KIRREL3: variants seen among roughly 807,000 people sequenced by gnomAD.
KIRREL3 encodes kin of IRRE-like protein 3.
KIRREL3 carries 36 observed loss-of-function variants against 89.7 expected under a neutral mutation model. The observed-to-expected ratio is 0.40, with a 90% CI of 0.31 to 0.53. The LOEUF (loss-of-function observed/expected upper bound fraction) is 0.53. Among genes scored for constraint, KIRREL3 ranks in the 20% least tolerant of loss-of-function variants. The probability of loss-of-function intolerance (pLI) is 0.49; values close to 1 mark genes in which losing one functional copy is unlikely to be tolerated. For synonymous variants in KIRREL3, 445 were observed against 441.4 expected, an observed-to-expected ratio of 1.01 and a Z score of -0.10; for missense variants, 864 against 1,056.6, an observed-to-expected ratio of 0.82 and a Z score of 2.53.
rs182301495 is a variant in KIRREL3 at position 126,647,869 on chromosome 11, A to G, written c.56-84957T>C. On this transcript the variant is annotated intron_variant, in intron 1 of 16. Coordinates refer to ENST00000525144, the MANE Select transcript of KIRREL3 (RefSeq NM_032531.4). The surrounding 1 kb of genome is among the most constrained non-coding windows in gnomAD (Gnocchi z 4.9). ...AATGAAAGCCAACACCCTCTCCATG[A>G]CTCATGGTGCTCTCCGGGGTCTGGC... Among the ~76,000 whole-genome samples the G allele has an allele frequency of 1.6e-3, 238 of 152,020 alleles. No individual in the cohort carries two copies. Among genetic ancestry groups the G allele is most frequent in the African/African-American group, 5.4e-3 (222 of 41,474 alleles).
chr11:126,459,437 A>G lies in KIRREL3; in HGVS notation c.743-2983T>C, dbSNP rs1399879261. Among the ~76,000 whole-genome samples the G allele has an allele frequency of 1.3e-5, 2 of 152,034 alleles. No homozygotes were observed. The highest frequency in any genetic ancestry group is 2.4e-5 in the African/African-American group (1 of 41,378). On this transcript the variant is annotated intron_variant, in intron 6 of 16. Coordinates refer to ENST00000525144, the MANE Select transcript of KIRREL3 (RefSeq NM_032531.4). The surrounding 1 kb of genome is among the most constrained non-coding windows in gnomAD (Gnocchi z 4.8). ...CCCCGAAGCGATTCACAAGGGTTCC[A>G]CACTCACTGGCCATATCTGCACCTC...
In KIRREL3 at chr11:126,740,734, G is replaced by A. The variant is rs1948953781; in HGVS notation, c.56-177822C>T. Among the ~76,000 whole-genome samples the A allele has an allele frequency of 6.6e-6, 1 of 152,132 alleles. No homozygotes were observed. Among genetic ancestry groups the A allele is most frequent in the Non-Finnish European group, 1.5e-5 (1 of 68,014 alleles). On this transcript the variant is annotated intron_variant, in intron 1 of 16. Coordinates refer to ENST00000525144, the MANE Select transcript of KIRREL3 (RefSeq NM_032531.4). The surrounding 1 kb of genome is among the most constrained non-coding windows in gnomAD (Gnocchi z 6.0). ...GGCTAGGGACAGGGAGCACAAAAATGGCCTGAAAGATAAATTTGTATTTTT... is the reference window on the plus strand; with the variant it reads ...GGCTAGGGACAGGGAGCACAAAAATAGCCTGAAAGATAAATTTGTATTTTT...
Position 126,450,537 on chromosome 11 carries a change from ATG to A in KIRREL3, c.849-1382_849-1381del, listed in dbSNP as rs1317627850. ...TGTGTGTGCATCTGCGTATGTGTGCATGTGTGTCAATGTGCATGTGTGCATGT... is the reference window on the plus strand; with the variant it reads ...TGTGTGTGCATCTGCGTATGTGTGCATGTGTCAATGTGCATGTGTGCATGT... On this transcript the variant is annotated intron_variant, in intron 7 of 16. Transcript: ENST00000525144. Among the ~76,000 whole-genome samples, 24 of 129,974 alleles carry A rather than the reference ATG, an allele frequency of 1.8e-4. 1 individual carries two copies. Among genetic ancestry groups the A allele is most frequent in the East Asian group, 7.4e-4 (3 of 4,036 alleles). The allele number at this position is 129,974 out of a possible 152,430, so 85.3% of individuals were successfully genotyped here.
chr11:126,726,344 G>A (rs1431342967), intron 1 of KIRREL3, among the ~76,000 whole-genome samples: 4 of 152,070 alleles, frequency 2.6e-5, no homozygotes, highest in African/African-American at 9.7e-5. Context: ...TTGGCTTTAT[G>A]AAAAAGTCTG....
At chr11:126,665,864 T>A (rs1300994130) in intron 1 of KIRREL3, among the ~76,000 whole-genome samples, 1 of 152,240 alleles carries the variant, frequency 6.6e-6, no homozygotes, top group South Asian at 2.1e-4. Context: ...TTAATCTCTA[T>A]GTGCATTCAT....
intron 1 of KIRREL3, among the ~76,000 whole-genome samples, chr11:126,648,678 G>A (rs1221181618): frequency 6.6e-6 from 1 of 152,152 alleles, no homozygotes; most frequent in Non-Finnish European, 1.5e-5. Context: ...TTTAAAATTT[G>A]TTGAACATAT....
In KIRREL3 at chr11:126,755,446, A is replaced by G. The variant is rs1949460415; in HGVS notation, c.56-192534T>C. On this transcript the variant is annotated intron_variant, in intron 1 of 16. Transcript: ENST00000525144. The surrounding 1 kb of genome is among the most constrained non-coding windows in gnomAD (Gnocchi z 4.3). ...AATTTTCAGCAGTCATGGGTGGAAAATCAATACTACTCTGATGCGAAATGA... is the reference window on the plus strand; with the variant it reads ...AATTTTCAGCAGTCATGGGTGGAAAGTCAATACTACTCTGATGCGAAATGA... Among the ~76,000 whole-genome samples the G allele has an allele frequency of 6.6e-6, 1 of 152,206 alleles. No individual in the cohort carries two copies. Among genetic ancestry groups the G allele is most frequent in the Admixed American group, 6.5e-5 (1 of 15,286 alleles).
Position 126,937,751 on chromosome 11 carries a change from C to T in KIRREL3, c.55+62704G>A, listed in dbSNP as rs190158858. Among the ~76,000 whole-genome samples, 452 of 151,740 alleles carry T rather than the reference C, an allele frequency of 3.0e-3. 1 individual carries two copies. The highest frequency in any genetic ancestry group is 0.01 in the African/African-American group (433 of 41,386). On this transcript the variant is annotated intron_variant, in intron 1 of 16. Transcript: ENST00000525144. ...CATCTCTACTAAAAATACAAAAAAT[C>T]AGCCGGGCGTGGTGGCAGGTGCCTG...
chr11:126,858,610 C>T (rs532086609), intron 1 of KIRREL3, among the ~76,000 whole-genome samples: 1 of 152,228 alleles, frequency 6.6e-6, no homozygotes, highest in East Asian at 1.9e-4. Context: ...CATATTTTGG[C>T]TTTGATCTCA....
chr11:126,546,164 A>G (rs667483), intron 2 of KIRREL3, among the ~76,000 whole-genome samples: 134,063 of 152,232 alleles, frequency 0.88, 59,364 homozygotes, highest in East Asian at 1. Flanking sequence ...TAAATGTTGA[A>G]TGTATCCATG....
At chr11:126,988,458 G>A (rs1949934378) in intron 1 of KIRREL3, 1 of 152,768 alleles carries the variant, frequency 6.5e-6, no homozygotes, top group Non-Finnish European at 1.5e-5. Flanking sequence ...ATGGTCACAC[G>A]GCTGTCGGGA....
At chr11:126,591,797 GCT>G (rs942347070) in intron 1 of KIRREL3, among the ~76,000 whole-genome samples, 1 of 152,178 alleles carries the variant, frequency 6.6e-6, no homozygotes, top group Admixed American at 6.5e-5. Flanking sequence ...GTATGACCAT[GCT>G]CTGTTTTACC....
intron 2 of KIRREL3, among the ~76,000 whole-genome samples, chr11:126,545,569 G>A (rs192006319): frequency 7.5e-4 from 112 of 150,096 alleles, no homozygotes; most frequent in African/African-American, 2.8e-3. Context: ...CCAGGAGTTC[G>A]AGACCAGCCT....
Position 126,620,898 on chromosome 11 carries a change from CA to C in KIRREL3, c.56-57987del, listed in dbSNP as rs1189964438. On this transcript the variant is annotated intron_variant, in intron 1 of 16. Coordinates refer to ENST00000525144, the MANE Select transcript of KIRREL3 (RefSeq NM_032531.4). The surrounding 1 kb of genome is among the most constrained non-coding windows in gnomAD (Gnocchi z 4.8). ...ACATACTGACAAATAGGCCTAAGAC[CA>C]GAGGCTTTTTGTTTTTTCTTCTCTT... Among the ~76,000 whole-genome samples, 1 of 152,156 alleles carries C rather than the reference CA, an allele frequency of 6.6e-6. No homozygotes were observed. Among genetic ancestry groups the C allele is most frequent in the Non-Finnish European group, 1.5e-5 (1 of 68,032 alleles).
Position 127,000,017 on chromosome 11 carries a change from G to GT in KIRREL3, c.55+437dup, listed in dbSNP as rs1358713294. 6.6e-6 allele frequency among the ~76,000 whole-genome samples: 1 copy of GT among 152,012 alleles called. No homozygotes were observed. Among genetic ancestry groups the GT allele is most frequent in the African/African-American group, 2.4e-5 (1 of 41,370 alleles). On this transcript the variant is annotated intron_variant, in intron 1 of 16. Coordinates refer to ENST00000525144, the MANE Select transcript of KIRREL3 (RefSeq NM_032531.4). The surrounding 1 kb of genome is among the most constrained non-coding windows in gnomAD (Gnocchi z 7.1). ...TTCGCTTTTGAATACACTTGTGCAA[G>GT]TCAAACCCTATTCAAGCTGAAATAT...
In KIRREL3 at chr11:126,718,893, T is replaced by G. The variant is rs573639247; in HGVS notation, c.56-155981A>C. Reference sequence around the variant, plus strand: ...CAGGAAGCCAAGCCCTCCTCTCTGATGCTGAATCCCAGCCCCCTTCTCCCA... The same window carrying G: ...CAGGAAGCCAAGCCCTCCTCTCTGAGGCTGAATCCCAGCCCCCTTCTCCCA... On this transcript the variant is annotated intron_variant, in intron 1 of 16. Transcript: ENST00000525144. Among the ~76,000 whole-genome samples the G allele has an allele frequency of 8.7e-4, 133 of 152,312 alleles. 3 individuals are homozygous for G. In the South Asian group the frequency reaches 0.025, roughly 28 times the overall value.
At chr11:126,933,771 C>T (rs1289822023) in intron 1 of KIRREL3, among the ~76,000 whole-genome samples, 2 of 57,408 alleles carry the variant, frequency 3.5e-5, no homozygotes, top group Non-Finnish European at 6.3e-5. Flanking sequence ...ACAATTCCCA[C>T]CAAAAAGGAA....
intron 4 of KIRREL3, among the ~76,000 whole-genome samples, chr11:126,503,530 G>T (rs1957929684): frequency 6.6e-6 from 1 of 152,196 alleles, no homozygotes; most frequent in Non-Finnish European, 1.5e-5. Context: ...TAGCTGGGTG[G>T]CCATGGGGAA....
In KIRREL3 at chr11:126,530,924, G is replaced by A. The variant is rs533559470; in HGVS notation, c.134-4237C>T. 4.2e-3 allele frequency among the ~76,000 whole-genome samples: 636 copies of A among 152,022 alleles called. 3 individuals carry two copies. The highest frequency in any genetic ancestry group is 0.015 in the African/African-American group (612 of 41,442). On this transcript the variant is annotated intron_variant, in intron 2 of 16. Coordinates refer to ENST00000525144, the MANE Select transcript of KIRREL3 (RefSeq NM_032531.4). This position sits in a 1 kb window ranked among gnomAD's most constrained non-coding sequence, Gnocchi z 5.8. ...CCGCTCATTGCAACCTTTGCCTCCC[G>A]GGTTCAAGCGATTCTTCTGCCTCAG...
Sources: gnomAD v4.1 joint callset for allele counts (sites outside exome capture counted in the v4.1 genomes callset) on GRCh38, gnomAD v4.1.1 for gene constraint, Gnocchi (gnomAD v3.1) non-coding constraint, MANE v1.5 for transcripts, NCBI Gene and HGNC (gene_info 2026-07-23, HGNC 2026-07-21) for gene names.